ARHGAP11A: variants seen among roughly 807,000 people sequenced by gnomAD.
ARHGAP11A encodes rho GTPase-activating protein 11A.
Under a neutral mutation model 60.5 loss-of-function variants are expected in ARHGAP11A, and 36 were observed. The observed-to-expected ratio is 0.59, with a 90% confidence interval of 0.46 to 0.79. The LOEUF (loss-of-function observed/expected upper bound fraction) is 0.79, where lower values mean the gene tolerates loss of function less well. Ranked by LOEUF, ARHGAP11A falls within the 30% of genes least tolerant of loss-of-function variation. The pLI is 0.00. For synonymous variants in ARHGAP11A, 362 were observed against 415.5 expected (o/e 0.87, Z 1.57); for missense variants, 1,071 against 1,199.2 (o/e 0.89, Z 1.58).
intron 9 of ARHGAP11A, 122 bp from the exon 10 acceptor site, chr15:32,633,811 T>A: frequency 1.6e-6 from 1 of 623,476 alleles, no homozygotes; most frequent in Non-Finnish European, 2.8e-6. Context: ...TTTTAAAGAA[T>A]TATTAATCCA....
At chr15:32,619,417 C>A (rs1455881540) in intron 1 of ARHGAP11A, among the ~76,000 whole-genome samples, 1 of 152,190 alleles carries the variant, frequency 6.6e-6, no homozygotes, top group African/African-American at 2.4e-5. Context: ...AGTTAACCAA[C>A]ACACAGCTTT....
In ARHGAP11A at chr15:32,638,681, T is replaced by TA. The variant is rs1271248597; in HGVS notation, c.*837dup. The TA allele has an allele frequency of 2.6e-5, 4 of 152,682 alleles. No homozygotes were observed. Among genetic ancestry groups the TA allele is most frequent in the Non-Finnish European group, 1.5e-5 (1 of 68,054 alleles). 9.5% of individuals were successfully genotyped at this position (152,682 alleles called of 1,614,324 possible). A position where few individuals can be genotyped will look rare whatever the true frequency, so the allele number is the denominator to read the frequency against. Reference sequence around the variant, plus strand: ...ATTTCATTTATAGTGCCAGTAGGTGTACCTTGTGTTCACTCGAACTAAGAA... The same window carrying TA: ...ATTTCATTTATAGTGCCAGTAGGTGTAACCTTGTGTTCACTCGAACTAAGAA... On this transcript the variant is annotated 3_prime_UTR_variant, in exon 12 of 12. Transcript: ENST00000361627.
rs1300033796 is a variant in ARHGAP11A at position 32,637,295 on chromosome 15, C to G, written c.2522C>G (p.Ser841Cys). ...LKFQRTPVRQSVRRINSLLEY... is the reference protein window; with the variant it reads ...LKFQRTPVRQCVRRINSLLEY... ...TTTCAGCGTACTCCTGTTCGTCAGT[C>G]CGTCAGAAGAATTAATTCTTTGTTG... Residue 841 changes from serine (S) to cysteine (C), a missense_variant, in exon 12 of 12, where the codon TCC (serine) becomes TGC (cysteine). Physicochemically the swap from Ser to Cys is moderately radical, Grantham distance 112. Coordinates refer to ENST00000361627, the MANE Select transcript of ARHGAP11A (RefSeq NM_014783.6). The G allele has an allele frequency of 2.5e-6, 4 of 1,614,084 alleles. No homozygotes were observed. In the East Asian group the frequency reaches 8.9e-5, roughly 36 times the overall value.
intron 2 of ARHGAP11A, among the ~76,000 whole-genome samples, chr15:32,622,575 C>T (rs1297732369): frequency 2.0e-5 from 3 of 152,182 alleles, no homozygotes; most frequent in Admixed American, 2.0e-4. Flanking sequence ...ATAAGGCTGA[C>T]ATTCAGCCAC....
Position 32,633,975 on chromosome 15 carries a change from C to T in ARHGAP11A, c.1278C>T (p.Ser426=). The change falls in exon 10 of 12, where the codon AGC becomes AGT. Residue 426 remains serine (S), a synonymous_variant. Transcript: ENST00000361627. ...GKAGCFSPKI[S]HKEKVRRSLR... Reference sequence around the variant, plus strand: ...CAGGCTGCTTTTCTCCTAAAATCAGCCATAAAGAAAAGGTTCGAAGATCTC... The same window carrying T: ...CAGGCTGCTTTTCTCCTAAAATCAGTCATAAAGAAAAGGTTCGAAGATCTC... The T allele has an allele frequency of 6.2e-7, 1 of 1,605,988 alleles. No homozygotes were observed. Among genetic ancestry groups the T allele is most frequent in the East Asian group, 2.2e-5 (1 of 44,566 alleles).
At chr15:32,630,100 T>C (rs902681361) in intron 8 of ARHGAP11A, among the ~76,000 whole-genome samples, 11 of 107,360 alleles carry the variant, frequency 1.0e-4, no homozygotes, top group Non-Finnish European at 2.0e-4. Flanking sequence ...CATCTGGGTC[T>C]ATAGCTGTGG....
At chr15:32,618,758 A>ACCCCCCCCCCCCCCC (rs57091917) in intron 1 of ARHGAP11A, among the ~76,000 whole-genome samples, 5 of 117,480 alleles carry the variant, frequency 4.3e-5, no homozygotes, top group Non-Finnish European at 5.3e-5. Flanking sequence ...ACACGGTGAA[A>ACCCCCCCCCCCCCCC]CCCCCCCCCC....
At chr15:32,635,112 G>A (rs1394563534) in intron 10 of ARHGAP11A, among the ~76,000 whole-genome samples, 3 of 152,176 alleles carry the variant, frequency 2.0e-5, no homozygotes, top group Non-Finnish European at 2.9e-5. Context: ...AAGGCCTCAC[G>A]TGATCTGTTC....
In ARHGAP11A at chr15:32,616,314, C is replaced by G; in HGVS notation, c.103C>G (p.His35Asp). The change falls in exon 1 of 12, where the codon CAT becomes GAT. Residue 35 changes from histidine (H) to aspartate (D), a missense_variant. Physicochemically the swap from His to Asp is moderately conservative, Grantham distance 81. Transcript: ENST00000361627. ...CCGTGGGCAGTGCGATCGCAGGAGA[C>G]ATGAAACAGCAGCCACGGAAATAGG... Reference protein sequence around the residue: ...GVRGQCDRRRHETAATEIGGK... With the variant: ...GVRGQCDRRRDETAATEIGGK... 2 of 1,613,804 alleles carry G rather than the reference C, an allele frequency of 1.2e-6. No homozygotes were observed. Among genetic ancestry groups the G allele is most frequent in the Non-Finnish European group, 1.7e-6 (2 of 1,179,926 alleles).
intron 8 of ARHGAP11A, among the ~76,000 whole-genome samples, chr15:32,632,110 C>T (rs1333132105): frequency 1.3e-5 from 2 of 152,062 alleles, no homozygotes; most frequent in Non-Finnish European, 2.9e-5. Flanking sequence ...GTATTTTTTC[C>T]GTTTTCATAA....
rs1262703918 is a variant in ARHGAP11A, at chr15:32,633,022, C to G, written c.1149C>G (p.Leu383=). ...TSSEGSSQSS[L]SPVLIGGNHL... Reference sequence around the variant, plus strand: ...CAGAAGGGTCATCTCAGAGTTCACTCTCTCCTGTACTCATTGGTGGAAACC... The same window carrying G: ...CAGAAGGGTCATCTCAGAGTTCACTGTCTCCTGTACTCATTGGTGGAAACC... The change falls in exon 9 of 12, where the codon CTC becomes CTG. Residue 383 remains leucine (L), a synonymous_variant. Transcript: ENST00000361627. 1.2e-6 allele frequency: 2 copies of G among 1,612,948 alleles called. No individual in the cohort carries two copies. The highest frequency in any genetic ancestry group is 1.7e-6 in the Non-Finnish European group (2 of 1,179,218).
intron 7 of ARHGAP11A, 122 bp from the exon 8 acceptor site, chr15:32,629,473 A>G (rs954578756): frequency 7.9e-5 from 49 of 617,476 alleles, no homozygotes; most frequent in East Asian, 4.0e-4. Flanking sequence ...GATGATGTAA[A>G]TATATTCTCA....
At chr15:32,617,210 A>T (rs963482967) in intron 1 of ARHGAP11A, among the ~76,000 whole-genome samples, 2 of 152,178 alleles carry the variant, frequency 1.3e-5, no homozygotes, top group African/African-American at 2.4e-5. Flanking sequence ...TTAATAGTTT[A>T]TGGTTTCTTA....
intron 1 of ARHGAP11A, among the ~76,000 whole-genome samples, chr15:32,619,620 T>C (rs908563272): frequency 6.6e-6 from 1 of 152,090 alleles, no homozygotes; most frequent in African/African-American, 2.4e-5. Flanking sequence ...CTGATGTAAT[T>C]TTAGGAAGAC....
chr15:32,618,809 A>G (rs1332719289), intron 1 of ARHGAP11A, among the ~76,000 whole-genome samples: 2 of 133,784 alleles, frequency 1.5e-5, no homozygotes, highest in Admixed American at 1.7e-4. Flanking sequence ...AAAATTAGCC[A>G]GGTGTGGTGG....
At chr15:32,619,395 C>G (rs2053243125) in intron 1 of ARHGAP11A, among the ~76,000 whole-genome samples, 1 of 152,206 alleles carries the variant, frequency 6.6e-6, no homozygotes, top group Non-Finnish European at 1.5e-5. Context: ...CTTCAGTGTG[C>G]AAAAACATTC....
intron 8 of ARHGAP11A, among the ~76,000 whole-genome samples, chr15:32,630,778 T>C (rs970726247): frequency 6.6e-6 from 1 of 152,170 alleles, no homozygotes; most frequent in African/African-American, 2.4e-5. Context: ...CATTGAAATG[T>C]GATGATAGTA....
At chr15:32,632,471 G>GC (rs2053606685) in intron 8 of ARHGAP11A, among the ~76,000 whole-genome samples, 1 of 152,166 alleles carries the variant, frequency 6.6e-6, no homozygotes, top group Non-Finnish European at 1.5e-5. Context: ...CAGTTGGCCA[G>GC]CAGGTATATC....
At chr15:32,621,977 A>C (rs1228065379) in intron 2 of ARHGAP11A, among the ~76,000 whole-genome samples, 1 of 152,312 alleles carries the variant, frequency 6.6e-6, no homozygotes, top group Non-Finnish European at 1.5e-5. Flanking sequence ...ATCCAAAAGC[A>C]ATTATCGAAC....
Sources: allele counts gnomAD v4.1 joint callset (sites outside exome capture counted in the v4.1 genomes callset), GRCh38; gene constraint gnomAD v4.1.1; transcripts MANE v1.5; gene names NCBI Gene and HGNC (gene_info 2026-07-23, HGNC 2026-07-21).